The following ZNF831 variants were observed in gnomAD, a reference collection of about 807,000 sequenced individuals.
ZNF831 encodes the protein zinc finger protein 831.
ZNF831 carries 59 observed loss-of-function variants against 95.8 expected under a neutral mutation model. The ratio of observed to expected loss-of-function variants is 0.62; its 90% confidence interval spans 0.50 to 0.77. The LOEUF is 0.77. ZNF831 is among the 30% of genes least tolerant of loss of function. The pLI is 0.00. For synonymous variants in ZNF831, 961 were observed against 925.5 expected, an observed-to-expected ratio of 1.04 and a Z score of -0.70; for missense variants, 2,205 against 2,164.0, an observed-to-expected ratio of 1.02 and a Z score of -0.38.
intron 4 of ZNF831, among the ~76,000 whole-genome samples, chr20:59,243,199 A>T (rs570152757): frequency 6.6e-6 from 1 of 152,290 alleles, no homozygotes; most frequent in Non-Finnish European, 1.5e-5. Context: ...GTTTTAAGTG[A>T]TTGAAATATT....
At chr20:59,221,649 A>G (rs1217852281) in intron 4 of ZNF831, among the ~76,000 whole-genome samples, 1 of 152,238 alleles carries the variant, frequency 6.6e-6, no homozygotes, top group African/African-American at 2.4e-5. Flanking sequence ...AGTCTTGCCC[A>G]AGTTCATACG....
At chr20:59,126,399 C>T (rs1979172124) in intron 1 of ZNF831, among the ~76,000 whole-genome samples, 1 of 152,222 alleles carries the variant, frequency 6.6e-6, no homozygotes, top group Non-Finnish European at 1.5e-5. Flanking sequence ...GTGGTCCCAG[C>T]AGTGTCACTG....
Position 59,194,183 on chromosome 20 carries a change from C to A in ZNF831, c.3164C>A (p.Pro1055Gln), listed in dbSNP as rs113775561. ...GCTCCCAGGGAGGCTACCTCCTCCC[C>A]GCCCACTCCAACGTGTGAGGCACAC... ...PGAPREATSSPPTPTCEAHLV... is the reference protein window; with the variant it reads ...PGAPREATSSQPTPTCEAHLV... Residue 1055 changes from proline (P) to glutamine (Q), a missense_variant, in exon 2 of 6, where the codon CCG (proline) becomes CAG (glutamine). By Grantham distance (76) the Pro-to-Gln change is moderately conservative. Transcript: ENST00000371030. 1 of 1,600,244 alleles carries A rather than the reference C, an allele frequency of 6.2e-7. No individual in the cohort carries two copies. The highest frequency in any genetic ancestry group is 8.5e-7 in the Non-Finnish European group (1 of 1,172,406).
chr20:59,191,171 C>T lies in ZNF831; in HGVS notation c.152C>T (p.Pro51Leu), dbSNP rs575210641. Residue 51 changes from proline (P) to leucine (L), a missense_variant, in exon 2 of 6, where the codon CCC becomes CTC. Coordinates refer to ENST00000371030, the MANE Select transcript of ZNF831 (RefSeq NM_178457.3). ...LLPPEQGLAP[P>L]TVFLKALPIP... Reference sequence around the variant, plus strand: ...CCGCCAGAGCAGGGCCTGGCCCCCCCCACTGTGTTCCTGAAGGCCCTGCCC... The same window carrying T: ...CCGCCAGAGCAGGGCCTGGCCCCCCTCACTGTGTTCCTGAAGGCCCTGCCC... The T allele has an allele frequency of 3.7e-6, 6 of 1,601,758 alleles. No individual in the cohort carries two copies. In the African/African-American group the frequency reaches 5.3e-5, roughly 14 times the overall value.
chr20:59,203,948 A>G (rs756877060), intron 3 of ZNF831, among the ~76,000 whole-genome samples: 5 of 152,202 alleles, frequency 3.3e-5, no homozygotes, highest in Non-Finnish European at 7.3e-5. Flanking sequence ...GCGCGGGATC[A>G]TGGAATTAGA....
At chr20:59,216,079 T>G (rs1985658637) in intron 4 of ZNF831, among the ~76,000 whole-genome samples, 1 of 152,194 alleles carries the variant, frequency 6.6e-6, no homozygotes, top group Admixed American at 6.5e-5. Flanking sequence ...CATTGTGCAA[T>G]TCAGTTTTAT....
rs905571208 is a variant in ZNF831, at chr20:59,200,148, C to T, written c.3875+4143C>T. On this transcript the variant is annotated intron_variant, in intron 3 of 5. Transcript: ENST00000371030. The stretch of plus-strand genomic sequence containing the variant: ...AGATCTTCTTTTATCCTTTGGTGTT[C>T]CATAGTTTTACTTTGATGTATATAG... Among the ~76,000 whole-genome samples, 5 of 152,058 alleles carry T rather than the reference C, an allele frequency of 3.3e-5. No homozygotes were observed. The South Asian group carries it at 8.3e-4, about 25-fold the overall frequency.
chr20:59,149,875 AG>A (rs1980121775), intron 2 of ZNF831, among the ~76,000 whole-genome samples: 1 of 152,220 alleles, frequency 6.6e-6, no homozygotes, highest in Non-Finnish European at 1.5e-5. Flanking sequence ...CGAGGCCCTG[AG>A]GGGGGCTGTC....
rs2146581525 is a variant in ZNF831 at position 59,193,352 on chromosome 20, C to T, written c.2333C>T (p.Pro778Leu). 6.2e-7 allele frequency: 1 copy of T among 1,610,840 alleles called. No homozygotes were observed. The highest frequency in any genetic ancestry group is 8.5e-7 in the Non-Finnish European group (1 of 1,178,538). ...LKGGDVEAPR[P>L]VWPDPKLEGG... ...GGGGGTGATGTAGAGGCTCCCAGGC[C>T]AGTTTGGCCGGACCCCAAGCTGGAA... Residue 778 changes from proline to leucine, a missense_variant, in exon 2 of 6, where the codon CCA becomes CTA. Transcript: ENST00000371030.
intron 2 of ZNF831, among the ~76,000 whole-genome samples, chr20:59,158,279 A>G (rs11906755): frequency 0.11 from 16,620 of 152,242 alleles, 970 homozygotes; most frequent in Non-Finnish European, 0.12. Context: ...CCCAACAGTC[A>G]CAGCCTGGCG....
intron 5 of ZNF831, among the ~76,000 whole-genome samples, chr20:59,253,589 G>A (rs561660485): frequency 1.3e-5 from 2 of 152,252 alleles, no homozygotes; most frequent in South Asian, 2.1e-4. Context: ...CTTCATGAGC[G>A]GTAGTGACTT....
chr20:59,197,843 C>T (rs759456240), intron 3 of ZNF831, among the ~76,000 whole-genome samples: 14 of 152,242 alleles, frequency 9.2e-5, no homozygotes, highest in Admixed American at 3.9e-4. Flanking sequence ...GCCATCCAGA[C>T]GGAGGAGCTG....
intron 4 of ZNF831, among the ~76,000 whole-genome samples, chr20:59,223,079 AG>A (rs1986205175): frequency 6.6e-6 from 1 of 152,076 alleles, no homozygotes; most frequent in Non-Finnish European, 1.5e-5. Context: ...GTTCACGAAG[AG>A]GGGAGGCAGG....
At chr20:59,176,755 TCTTC>T (rs1982198644) in intron 1 of ZNF831, among the ~76,000 whole-genome samples, 1 of 152,246 alleles carries the variant, frequency 6.6e-6, no homozygotes, top group Non-Finnish European at 1.5e-5. Flanking sequence ...TTGGGACGCT[TCTTC>T]CTACCCTTTA....
intron 5 of ZNF831, among the ~76,000 whole-genome samples, chr20:59,253,542 A>G (rs1303061508): frequency 3.3e-5 from 5 of 151,906 alleles, no homozygotes; most frequent in Non-Finnish European, 5.9e-5. Context: ...AAACCAAAAA[A>G]CCCTTCAATA....
chr20:59,214,777 A>G (rs527361885), intron 4 of ZNF831, among the ~76,000 whole-genome samples: 1 of 152,218 alleles, frequency 6.6e-6, no homozygotes, highest in Non-Finnish European at 1.5e-5. Context: ...ATTTCTGATG[A>G]GGTCACTGAT....
chr20:59,170,395 A>G (rs1981632411), intron 1 of ZNF831, among the ~76,000 whole-genome samples: 1 of 152,074 alleles, frequency 6.6e-6, no homozygotes, highest in Non-Finnish European at 1.5e-5. Context: ...TGACCCATGG[A>G]TTATTTAGAA....
Position 59,256,092 on chromosome 20 carries a change from A to T in ZNF831, c.*1349A>T, listed in dbSNP as rs140678427. On this transcript the variant is annotated 3_prime_UTR_variant, in exon 6 of 6. Coordinates refer to ENST00000371030, the MANE Select transcript of ZNF831 (RefSeq NM_178457.3). ...AGCTCTTTTGGTGTAACTTTGATGTAATGATGTTCATATGACATCTTGTAC... is the reference window on the plus strand; with the variant it reads ...AGCTCTTTTGGTGTAACTTTGATGTTATGATGTTCATATGACATCTTGTAC... 8 of 152,348 alleles carry T rather than the reference A, an allele frequency of 5.3e-5. No homozygotes were observed. The highest frequency in any genetic ancestry group is 1.9e-4 in the African/African-American group (8 of 41,580). The allele number at this position is 152,348 out of a possible 1,614,324, so 9.4% of individuals were successfully genotyped here.
chr20:59,240,770 C>G (rs1292271160), intron 4 of ZNF831, among the ~76,000 whole-genome samples: 2 of 152,116 alleles, frequency 1.3e-5, no homozygotes, highest in African/African-American at 2.4e-5. Context: ...CCACTGCACT[C>G]CAGCCTGGGC....
Sources: allele counts gnomAD v4.1 joint callset (sites outside exome capture counted in the v4.1 genomes callset), GRCh38; gene constraint gnomAD v4.1.1; transcripts MANE v1.5; gene names NCBI Gene and HGNC (gene_info 2026-07-23, HGNC 2026-07-21).